Variants in DYTN observed in about 807,000 individuals in gnomAD.
DYTN encodes the protein dystrotelin.
A neutral mutation model predicts 69.6 loss-of-function variants in DYTN; 75 were observed. That is an observed-to-expected ratio of 1.08 (90% CI 0.89 to 1.31). The LOEUF is 1.31. Ranked by LOEUF, DYTN falls within the 50% of genes most tolerant of loss-of-function variation. The pLI is 0.00. For missense variants in DYTN, 726 were observed against 688.4 expected, an observed-to-expected ratio of 1.05 and a Z score of -0.61; for synonymous variants, 252 against 249.1, an observed-to-expected ratio of 1.01 and a Z score of -0.11.
chr2:206,662,715 T>C (rs1206634435), intron 11 of DYTN, among the ~76,000 whole-genome samples, 188 bp downstream of exon 11: 1 of 150,990 alleles, frequency 6.6e-6, no homozygotes, highest in Non-Finnish European at 1.5e-5. Flanking sequence ...CCTTTAATAC[T>C]CACAACAGAC....
Position 206,710,565 on chromosome 2 carries a change from C to T in DYTN, c.53G>A (p.Arg18Lys). The change falls in exon 2 of 12, where the codon AGA becomes AAA. Residue 18 changes from arginine (R) to lysine (K), a missense_variant. Coordinates refer to ENST00000452335, the MANE Select transcript of DYTN (RefSeq NM_001093730.1). ...ALNSIENSIY[R>K]TAFKLQSVQT... ...CACTGATTGTAATTTGAAGGCTGTT[C>T]TATAAATGGAATTCTCAATACTATT... 1 of 1,611,608 alleles carries T rather than the reference C, an allele frequency of 6.2e-7. No homozygotes were observed. Among genetic ancestry groups the T allele is most frequent in the Non-Finnish European group, 8.5e-7 (1 of 1,178,916 alleles).
intron 6 of DYTN, 61 bp from the exon 7 acceptor site, chr2:206,699,951 T>C: frequency 6.4e-7 from 1 of 1,572,254 alleles, no homozygotes; most frequent in Admixed American, 1.8e-5. Context: ...TTCATTTTCT[T>C]TTCTGACTCT....
At chr2:206,674,251 C>T (rs1377962207) in intron 9 of DYTN, among the ~76,000 whole-genome samples, 1 of 151,824 alleles carries the variant, frequency 6.6e-6, no homozygotes, top group Non-Finnish European at 1.5e-5. Flanking sequence ...AAAAGTTGAG[C>T]ATATTTGAGT....
At position 206,665,953 on chromosome 2, in the gene DYTN, G is replaced by A. The variant is rs139354756; in HGVS notation, c.1057C>T (p.Arg353Ter). 17 of 1,613,826 alleles carry A rather than the reference G, an allele frequency of 1.1e-5. No homozygotes were observed. Among genetic ancestry groups the A allele is most frequent in the African/African-American group, 4.0e-5 (3 of 75,008 alleles). The change falls in exon 10 of 12, where the codon CGA (arginine) becomes TGA (stop). Residue 353 changes from arginine (R) to a stop codon, truncating the protein, a stop_gained. Coordinates refer to ENST00000452335, the MANE Select transcript of DYTN (RefSeq NM_001093730.1). LOFTEE classifies it high-confidence loss of function. The part of the protein sequence containing the change: ...IYTSQEERIC[R>*]FETRIHKLKT... The stretch of plus-strand genomic sequence containing the variant: ...AGTTTGTGAATCCTTGTTTCAAATC[G>A]ACAAATTCTTTCTTCCTGGGAGGTG...
In DYTN at chr2:206,700,215, A is replaced by T. The variant is rs1412910304; in HGVS notation, c.485T>A (p.Ile162Asn). 2 of 1,613,864 alleles carry T rather than the reference A, an allele frequency of 1.2e-6. No homozygotes were observed. Among genetic ancestry groups the T allele is most frequent in the African/African-American group, 2.7e-5 (2 of 75,056 alleles). The change falls in exon 6 of 12, where the codon ATC becomes AAC. Residue 162 changes from isoleucine (I) to asparagine (N), a missense_variant and splice_region_variant. By Grantham distance (149) the Ile-to-Asn change is moderately radical. Transcript: ENST00000452335. Reference protein sequence around the residue: ...LRKLLTDLQQIPTFVGESRAL... With the variant: ...LRKLLTDLQQNPTFVGESRAL... ...ACGACTCTCTCCCACGAAAGTTGGG[A>T]TCTGCAAGAGACAACCTCATCTTAG...
chr2:206,685,696 G>A (rs548505907), intron 9 of DYTN, among the ~76,000 whole-genome samples: 2 of 152,008 alleles, frequency 1.3e-5, no homozygotes, highest in East Asian at 1.9e-4. Flanking sequence ...CTGGGGAGAG[G>A]AGCCTTCACC....
intron 11 of DYTN, among the ~76,000 whole-genome samples, chr2:206,655,115 G>A (rs950728573): frequency 1.3e-5 from 2 of 152,006 alleles, no homozygotes; most frequent in Non-Finnish European, 2.9e-5. Flanking sequence ...TGTTAGCTGT[G>A]GGTTTTTCTT....
chr2:206,718,161 A>C, intron 1 of DYTN, 100 bp downstream of exon 1: 1 of 1,303,418 alleles, frequency 7.7e-7, no homozygotes, highest in Non-Finnish European at 1.0e-6. Flanking sequence ...AAATTTGCCA[A>C]ATGTTTACTC....
At chr2:206,667,325 C>T (rs1386794725) in intron 9 of DYTN, among the ~76,000 whole-genome samples, 3 of 152,172 alleles carry the variant, frequency 2.0e-5, no homozygotes, top group Non-Finnish European at 4.4e-5. Flanking sequence ...TTAGAGTCTG[C>T]TCTTCTGCTC....
At chr2:206,694,323 A>G (rs1699896402) in intron 8 of DYTN, among the ~76,000 whole-genome samples, 1 of 152,186 alleles carries the variant, frequency 6.6e-6, no homozygotes, top group Admixed American at 6.5e-5. Context: ...TTTTTCCTAA[A>G]GAAGAAATAT....
At chr2:206,659,005 C>A (rs1699477842) in intron 11 of DYTN, among the ~76,000 whole-genome samples, 2 of 146,204 alleles carry the variant, frequency 1.4e-5, no homozygotes, top group Admixed American at 6.8e-5. Flanking sequence ...TTTTTTGCCA[C>A]AGCAGAGGCA....
At chr2:206,695,189 C>T (rs1480887916) in intron 7 of DYTN, among the ~76,000 whole-genome samples, 1 of 152,174 alleles carries the variant, frequency 6.6e-6, no homozygotes, top group African/African-American at 2.4e-5. Flanking sequence ...TGTGCTACAA[C>T]CTTTAGGATA....
At chr2:206,693,656 G>T (rs1699888563) in intron 8 of DYTN, among the ~76,000 whole-genome samples, 1 of 152,136 alleles carries the variant, frequency 6.6e-6, no homozygotes, top group Non-Finnish European at 1.5e-5. Context: ...TTGAGAATTG[G>T]ATGATAACTC....
intron 8 of DYTN, among the ~76,000 whole-genome samples, chr2:206,693,738 C>T (rs972667681): frequency 1.3e-5 from 2 of 152,146 alleles, no homozygotes; most frequent in Non-Finnish European, 2.9e-5. Flanking sequence ...ACAGGCTCAC[C>T]CGAAATCCAT....
intron 5 of DYTN, among the ~76,000 whole-genome samples, chr2:206,701,602 CAG>C (rs1699977961): frequency 6.6e-6 from 1 of 152,078 alleles, no homozygotes; most frequent in Non-Finnish European, 1.5e-5. Flanking sequence ...TTCATAGAAA[CAG>C]AAGAATAGTG....
At position 206,652,666 on chromosome 2, in the gene DYTN, G is replaced by T. The variant is rs1313819797; in HGVS notation, c.1634-745C>A. 3.3e-5 allele frequency among the ~76,000 whole-genome samples: 5 copies of T among 152,266 alleles called. No homozygotes were observed. The East Asian group carries it at 7.7e-4, about 23-fold the overall frequency. On this transcript the variant is annotated intron_variant, in intron 11 of 11. Coordinates refer to ENST00000452335, the MANE Select transcript of DYTN (RefSeq NM_001093730.1). The stretch of plus-strand genomic sequence containing the variant: ...CATTTGTACCCTGAGATATTATGCA[G>T]CATTTTAAAAATGACATTGCTCAAT...
At chr2:206,676,863 G>A (rs1699695393) in intron 9 of DYTN, among the ~76,000 whole-genome samples, 1 of 152,030 alleles carries the variant, frequency 6.6e-6, no homozygotes, top group African/African-American at 2.4e-5. Context: ...TTTCACAGGT[G>A]CACCTTTATC....
At chr2:206,687,072 C>T (rs1699820047) in intron 9 of DYTN, 1 of 153,874 alleles carries the variant, frequency 6.5e-6, no homozygotes, top group Non-Finnish European at 1.5e-5. Flanking sequence ...CTTTGTTACC[C>T]CTCACATACA....
chr2:206,680,333 G>C lies in DYTN; in HGVS notation c.980+12842C>G, dbSNP rs146455311. ...CCCATGATTCAATTACCTCCCACCA[G>C]GTCCCTCCCACAACACATGGGGATT... On this transcript the variant is annotated intron_variant, in intron 9 of 11. Transcript: ENST00000452335. Among the ~76,000 whole-genome samples, 431 of 152,200 alleles carry C rather than the reference G, an allele frequency of 2.8e-3. 2 individuals carry two copies. The highest frequency in any genetic ancestry group is 5.1e-3 in the Non-Finnish European group (348 of 67,990).
Sources: gnomAD v4.1 joint callset for allele counts (sites outside exome capture counted in the v4.1 genomes callset) on GRCh38, gnomAD v4.1.1 for gene constraint, MANE v1.5 for transcripts, NCBI Gene and HGNC (gene_info 2026-07-23, HGNC 2026-07-21) for gene names.